TXNDC11: variants seen among roughly 807,000 people sequenced by gnomAD.
The protein encoded by TXNDC11 is thioredoxin domain containing 11.
Under a neutral mutation model 78.0 loss-of-function variants are expected in TXNDC11, and 68 were observed. The observed-to-expected ratio is 0.87, with a 90% CI of 0.72 to 1.07. TXNDC11 has a LOEUF of 1.07. TXNDC11 is among the 50% of genes least tolerant of loss of function. The probability of loss-of-function intolerance (pLI) is 0.00; values close to 1 mark genes in which losing one functional copy is unlikely to be tolerated. For missense variants in TXNDC11, 1,389 were observed against 1,221.8 expected, an observed-to-expected ratio of 1.14 and a Z score of -2.04; for synonymous variants, 571 against 495.2, an observed-to-expected ratio of 1.15 and a Z score of -2.03.
At chr16:11,741,594 G>C (rs746683567) in intron 1 of TXNDC11, among the ~76,000 whole-genome samples, 1 of 152,176 alleles carries the variant, frequency 6.6e-6, no homozygotes, top group East Asian at 1.9e-4. Flanking sequence ...TCCTTAGGAA[G>C]TCTTTCCCCA....
chr16:11,720,562 C>T (rs1266204350), intron 5 of TXNDC11, among the ~76,000 whole-genome samples: 1 of 151,308 alleles, frequency 6.6e-6, no homozygotes, highest in Admixed American at 6.6e-5. Context: ...ACTACAAGCA[C>T]GTGCCACCAT....
chr16:11,688,200 CTCTTCTATACA>C, intron 9 of TXNDC11, 92 bp downstream of exon 9: 1 of 1,321,068 alleles, frequency 7.6e-7, no homozygotes, highest in Non-Finnish European at 1.1e-6. Context: ...CACGTGGTTA[CTCTTCTATACA>C]TCAAAAACAG....
At chr16:11,738,295 A>G (rs1172975824) in intron 1 of TXNDC11, among the ~76,000 whole-genome samples, 2 of 152,244 alleles carry the variant, frequency 1.3e-5, no homozygotes. Flanking sequence ...TTAACCTTCA[A>G]TCAGAGAGCT....
At chr16:11,736,280 T>C (rs369632943) in intron 1 of TXNDC11, 47 bp from the exon 2 acceptor site, 44 of 1,407,004 alleles carry the variant, frequency 3.1e-5, no homozygotes, top group Non-Finnish European at 4.1e-5. Flanking sequence ...TATCTTCTTC[T>C]AAAAATAGCT....
chr16:11,727,705 G>C (rs2051925811), intron 4 of TXNDC11, among the ~76,000 whole-genome samples: 1 of 118,394 alleles, frequency 8.4e-6, no homozygotes, highest in Admixed American at 1.3e-4. Flanking sequence ...CTCTAGTCAA[G>C]GCACTGTTTA....
rs1383470801 is a variant in TXNDC11 at position 11,736,223 on chromosome 16, CT to C, written c.264del (p.Asp89MetfsTer2). ...GGTGGCTTTGCTGGTATTATCACATCTTTTGCTCGACTAAAAAAGAGCAAAC... is the reference window on the plus strand; with the variant it reads ...GGTGGCTTTGCTGGTATTATCACATCTTTGCTCGACTAAAAAAGAGCAAAC... ...LALKFTCSRAKDVIIPAKPPV... is the reference protein window; with the variant it reads ...LALKFTCSRAXDVIIPAKPPV... On this transcript the variant is annotated frameshift_variant, in exon 2 of 12. Coordinates refer to ENST00000283033, the MANE Select transcript of TXNDC11 (RefSeq NM_015914.7). LOFTEE classifies it high-confidence loss of function. The C allele has an allele frequency of 6.2e-7, 1 of 1,608,232 alleles. No homozygotes were observed. Among genetic ancestry groups the C allele is most frequent in the African/African-American group, 1.3e-5 (1 of 74,816 alleles).
chr16:11,728,553 A>C (rs150055282), intron 4 of TXNDC11, among the ~76,000 whole-genome samples: 1 of 152,334 alleles, frequency 6.6e-6, no homozygotes, highest in East Asian at 1.9e-4. Flanking sequence ...GCTGCCAAAA[A>C]ACTTAATGTA....
rs1275503134 is a variant in TXNDC11, at chr16:11,724,215, G to C, written c.700-2545C>G. 2.6e-5 allele frequency among the ~76,000 whole-genome samples: 4 copies of C among 152,154 alleles called. No individual in the cohort carries two copies. In the East Asian group the frequency reaches 5.8e-4, roughly 22 times the overall value. ...GGAGAATTGCTTGAACCTGGGAGGT[G>C]GAGGCTACAGTGAGCAGAGATCGCA... On this transcript the variant is annotated intron_variant, in intron 4 of 11. Coordinates refer to ENST00000283033, the MANE Select transcript of TXNDC11 (RefSeq NM_015914.7).
In TXNDC11 at chr16:11,679,640, C is replaced by G. The variant is rs1451736324; in HGVS notation, c.2432G>C (p.Arg811Thr). The G allele has an allele frequency of 6.2e-7, 1 of 1,614,216 alleles. No individual in the cohort carries two copies. The highest frequency in any genetic ancestry group is 2.2e-5 in the East Asian group (1 of 44,882). Residue 811 changes from arginine (R) to threonine (T), a missense_variant, in exon 12 of 12, where the codon AGA becomes ACA. Arg to Thr is a moderately conservative substitution (Grantham distance 71). Transcript: ENST00000283033. The surrounding 1 kb of genome is among the most constrained non-coding windows in gnomAD (Gnocchi z 4.6). ...SHLEREIQKL[R>T]AEISSLQRAQ... ...TCGCTGGAGGCTGCTTATTTCTGCT[C>G]TCAGTTTCTGGATCTCTCTCTCCAA... is the stretch of plus-strand genomic sequence containing the variant.
intron 6 of TXNDC11, among the ~76,000 whole-genome samples, chr16:11,698,645 G>A (rs567180238): frequency 6.6e-6 from 1 of 152,344 alleles, no homozygotes; most frequent in Admixed American, 6.5e-5. Context: ...CCTGTCCAAG[G>A]ACAGGTATTA....
Position 11,742,586 on chromosome 16 carries a change from G to A in TXNDC11, c.145C>T (p.Arg49Cys), listed in dbSNP as rs1356443110. The change falls in exon 1 of 12, where the codon CGT becomes TGT. Residue 49 changes from arginine to cysteine, a missense_variant. By Grantham distance (180) the Arg-to-Cys change is radical (BLOSUM62 -3). Transcript: ENST00000283033. ...LATASSAGRL[R>C]RGLRGAFLMA... is the part of the protein sequence containing the mutation. The stretch of plus-strand genomic sequence containing the variant: ...AGGAAGGCGCCACGCAGCCCGCGAC[G>A]GAGCCGGCCCGCCGAGGACGCTGTG... The A allele has an allele frequency of 3.4e-6, 5 of 1,457,040 alleles. No individual in the cohort carries two copies. Among genetic ancestry groups the A allele is most frequent in the South Asian group, 1.3e-5 (1 of 75,312 alleles). 90.3% of individuals were successfully genotyped at this position (1,457,040 alleles called of 1,614,324 possible). A position where few individuals can be genotyped will look rare whatever the true frequency, so the allele number is the denominator to read the frequency against.
chr16:11,686,754 C>A (rs763079010), intron 10 of TXNDC11, among the ~76,000 whole-genome samples: 3 of 152,216 alleles, frequency 2.0e-5, no homozygotes, highest in Admixed American at 1.3e-4. Flanking sequence ...TGCTCACATC[C>A]TTTGTTCAGA....
rs1217058760 is a variant in TXNDC11 at position 11,736,084 on chromosome 16, G to A, written c.404C>T (p.Pro135Leu). The change falls in exon 2 of 12, where the codon CCT (proline) becomes CTT (leucine). Residue 135 changes from proline (P) to leucine (L), a missense_variant. Coordinates refer to ENST00000283033, the MANE Select transcript of TXNDC11 (RefSeq NM_015914.7). ...GGCAGCGATGGACTGTCCACACCAA[G>A]GGGCATAGAAGAAGAGCAGTACCAC... The part of the protein sequence containing the change: ...SEVVLLFFYA[P>L]WCGQSIAARA... 1 of 1,614,048 alleles carries A rather than the reference G, an allele frequency of 6.2e-7. No homozygotes were observed. The highest frequency in any genetic ancestry group is 8.5e-7 in the Non-Finnish European group (1 of 1,180,032).
chr16:11,708,486 CA>C (rs147855895), intron 5 of TXNDC11, among the ~76,000 whole-genome samples: 1 of 152,282 alleles, frequency 6.6e-6, no homozygotes, highest in East Asian at 1.9e-4. Flanking sequence ...ACTGAAAGAA[CA>C]GAGAGAAACT....
chr16:11,712,794 A>C (rs1371273717), intron 5 of TXNDC11, among the ~76,000 whole-genome samples: 1 of 151,990 alleles, frequency 6.6e-6, no homozygotes, highest in Non-Finnish European at 1.5e-5. Flanking sequence ...CTCTACAAAA[A>C]AAATAGAAAA....
intron 5 of TXNDC11, among the ~76,000 whole-genome samples, chr16:11,717,192 G>A (rs191477521): frequency 2.8e-4 from 42 of 151,408 alleles, no homozygotes; most frequent in African/African-American, 1.0e-3. Flanking sequence ...TTAGGAGGCC[G>A]AGGCAGGTGG....
chr16:11,742,571 C>CA lies in TXNDC11; in HGVS notation c.159dup (p.Gly54TrpfsTer56). 2.1e-6 allele frequency: 3 copies of CA among 1,457,746 alleles called. No homozygotes were observed. In the East Asian group the frequency reaches 9.0e-5, roughly 44 times the overall value. The allele number at this position is 1,457,746 out of a possible 1,614,324, so 90.3% of individuals were successfully genotyped here. Reference sequence around the variant, plus strand: ...CGCTGGCGCGCCATGAGGAAGGCGCCACGCAGCCCGCGACGGAGCCGGCCC... The same window carrying CA: ...CGCTGGCGCGCCATGAGGAAGGCGCCAACGCAGCCCGCGACGGAGCCGGCCC... On this transcript the variant is annotated frameshift_variant, in exon 1 of 12. Transcript: ENST00000283033. LOFTEE classifies it high-confidence loss of function.
intron 11 of TXNDC11, among the ~76,000 whole-genome samples, chr16:11,681,580 C>A (rs2050426283): frequency 6.6e-6 from 1 of 152,162 alleles, no homozygotes; most frequent in Admixed American, 6.5e-5. Context: ...CTCCTCTAAC[C>A]CTGAGGGAGT....
rs2051625550 is a variant in TXNDC11, at chr16:11,718,998, G to A, written c.793+2579C>T. Among the ~76,000 whole-genome samples, 5 of 152,216 alleles carry A rather than the reference G, an allele frequency of 3.3e-5. No individual in the cohort carries two copies. The South Asian group carries it at 1.0e-3, about 32-fold the overall frequency. ...TTACCCTTCTTTTGCTGAAAGAAAGGAGAAAAAGGCTGCTGCCTCTTATTA... is the reference window on the plus strand; with the variant it reads ...TTACCCTTCTTTTGCTGAAAGAAAGAAGAAAAAGGCTGCTGCCTCTTATTA... On this transcript the variant is annotated intron_variant, in intron 5 of 11. Coordinates refer to ENST00000283033, the MANE Select transcript of TXNDC11 (RefSeq NM_015914.7).
Sources: gnomAD v4.1 joint callset for allele counts (sites outside exome capture counted in the v4.1 genomes callset) on GRCh38, gnomAD v4.1.1 for gene constraint, Gnocchi (gnomAD v3.1) non-coding constraint, MANE v1.5 for transcripts, NCBI Gene and HGNC (gene_info 2026-07-23, HGNC 2026-07-21) for gene names.